PBRM1: variants seen among roughly 807,000 people sequenced by gnomAD.
PBRM1 encodes the protein polybromo 1, also known as protein polybromo-1.
Under a neutral mutation model 194.5 loss-of-function variants are expected in PBRM1, and 27 were observed. The observed-to-expected ratio is 0.14, with a 90% CI of 0.10 to 0.19. The LOEUF (loss-of-function observed/expected upper bound fraction) is 0.19. Among genes scored for constraint, PBRM1 ranks in the 10% least tolerant of loss-of-function variants. The probability of loss-of-function intolerance (pLI) is 1.00; values close to 1 mark genes in which losing one functional copy is unlikely to be tolerated. For missense variants in PBRM1, 1,466 were observed against 2,077.2 expected (o/e 0.71, Z 5.72); for synonymous variants, 655 against 693.2 (o/e 0.94, Z 0.87).
intron 22 of PBRM1, among the ~76,000 whole-genome samples, chr3:52,567,645 C>A (rs1163561650): frequency 4.0e-5 from 6 of 150,224 alleles, no homozygotes; most frequent in African/African-American, 1.5e-4. Context: ...CTTTAACTAG[C>A]ATTTCTCTAA....
rs2153790282 is a variant in PBRM1 at position 52,587,530 on chromosome 3, G to A, written c.2966-20C>T. On this transcript the variant is annotated intron_variant, in intron 18 of 29. Coordinates refer to ENST00000296302, the Ensembl canonical transcript of PBRM1. ...TTTCACCTCAAAAATGGGGGGTGGG[G>A]GAAGGGGAAGAGAAAGAGAATCATT... 1.3e-6 allele frequency: 2 copies of A among 1,557,594 alleles called. No individual in the cohort carries two copies. Among genetic ancestry groups the A allele is most frequent in the South Asian group, 1.2e-5 (1 of 84,384 alleles).
chr3:52,684,363 G>A (rs1303421375), upstream of PBRM1, among the ~76,000 whole-genome samples: 1 of 152,014 alleles, frequency 6.6e-6, no homozygotes, highest in African/African-American at 2.4e-5. Flanking sequence ...ATGTGCAACT[G>A]GGAGAATATC....
At chr3:52,646,317 C>T (rs796308022) in intron 7 of PBRM1, among the ~76,000 whole-genome samples, 16 of 152,260 alleles carry the variant, frequency 1.1e-4, no homozygotes, top group African/African-American at 3.8e-4. Flanking sequence ...TCTCCTTTGG[C>T]AAATTCCCAA....
intron 2 of PBRM1, among the ~76,000 whole-genome samples, chr3:52,672,824 T>C (rs1348009024): frequency 6.6e-6 from 1 of 151,230 alleles, no homozygotes; most frequent in Non-Finnish European, 1.5e-5. Context: ...GAATAGTGAT[T>C]ATATTTTGAC....
exon 29 of PBRM1, chr3:52,550,478 T>C (rs2080681020): frequency 3.8e-6 from 6 of 1,576,886 alleles, no homozygotes; most frequent in South Asian, 1.2e-5. Context: ...AGTCCTTCAA[T>C]GTATTTCAGG....
chr3:52,594,330 C>T (rs936928363), intron 17 of PBRM1, among the ~76,000 whole-genome samples: 26 of 152,114 alleles, frequency 1.7e-4, no homozygotes, highest in African/African-American at 6.0e-4. Flanking sequence ...TTATGTAGTG[C>T]CCTTCTTTGT....
rs1295430697 is a variant in PBRM1, at chr3:52,563,275, A to ACCTTC, written c.4086+3_4086+7dup. 1 of 1,605,154 alleles carries ACCTTC rather than the reference A, an allele frequency of 6.2e-7. No homozygotes were observed. The highest frequency in any genetic ancestry group is 1.3e-5 in the African/African-American group (1 of 74,612). Reference sequence around the variant, plus strand: ...ATAAGATAAGTAACAGGAACCTGTCACCTTCACCTGTGGGGGTGTGTAGGG... The same window carrying ACCTTC: ...ATAAGATAAGTAACAGGAACCTGTCACCTTCCCTTCACCTGTGGGGGTGTGTAGGG... On this transcript the variant is annotated splice_region_variant and intron_variant, in intron 24 of 29. Transcript: ENST00000296302.
chr3:52,627,188 G>C, intron 13 of PBRM1, 85 bp downstream of exon 14: 1 of 715,690 alleles, frequency 1.4e-6, no homozygotes, highest in East Asian at 2.7e-5. Context: ...CAACTTGATA[G>C]CTTAAAAAAT....
intron 13 of PBRM1, among the ~76,000 whole-genome samples, chr3:52,623,997 G>A (rs1381599425): frequency 1.3e-5 from 2 of 152,116 alleles, no homozygotes; most frequent in East Asian, 3.9e-4. Flanking sequence ...TGATAACATA[G>A]CAATTTTACT....
intron 10 of PBRM1, among the ~76,000 whole-genome samples, chr3:52,637,630 C>CT (rs777952019): frequency 2.7e-5 from 4 of 150,288 alleles, no homozygotes; most frequent in African/African-American, 4.9e-5. Context: ...AAAACCCAGT[C>CT]TCAAGAAAAA....
intron 7 of PBRM1, among the ~76,000 whole-genome samples, chr3:52,645,929 G>A (rs992804522): frequency 2.0e-5 from 3 of 152,184 alleles, no homozygotes; most frequent in Admixed American, 2.0e-4. Context: ...AGGGACTACG[G>A]ACAACTAACT....
upstream of PBRM1, among the ~76,000 whole-genome samples, chr3:52,682,472 A>G (rs1255250613): frequency 6.6e-6 from 1 of 152,150 alleles, no homozygotes; most frequent in African/African-American, 2.4e-5. Context: ...ATACATTATC[A>G]GCATGTGTAT....
intron 10 of PBRM1, among the ~76,000 whole-genome samples, chr3:52,637,234 A>G (rs2095857132): frequency 6.6e-6 from 1 of 152,094 alleles, no homozygotes; most frequent in Non-Finnish European, 1.5e-5. Flanking sequence ...CTTACACCTT[A>G]TTGTTGTCAC....
exon 9 of PBRM1, chr3:52,643,272 C>A (rs1360187985): frequency 6.2e-7 from 1 of 1,613,492 alleles, no homozygotes; most frequent in Non-Finnish European, 8.5e-7. Flanking sequence ...AGTGGGATTT[C>A]TCTCTTCACC....
At chr3:52,637,773 C>CAAAAAAAAAAAAA (rs755241328) in intron 10 of PBRM1, among the ~76,000 whole-genome samples, 1,035 of 42,150 alleles carry the variant, frequency 0.025, 87 homozygotes, top group African/African-American at 0.048. Flanking sequence ...ACTAAAAATA[C>CAAAAAAAAAAAAA]AAAAAAAAAA....
At chr3:52,551,161 G>C (rs1039709903) in intron 27 of PBRM1, among the ~76,000 whole-genome samples, 11 of 152,188 alleles carry the variant, frequency 7.2e-5, no homozygotes, top group African/African-American at 2.7e-4. Flanking sequence ...ACATTCTCCT[G>C]CAACTGAAGC....
chr3:52,609,735 G>T lies in PBRM1; in HGVS notation c.2145C>A (p.Ala715=), dbSNP rs1356831462. 1 of 1,609,246 alleles carries T rather than the reference G, an allele frequency of 6.2e-7. No individual in the cohort carries two copies. Among genetic ancestry groups the T allele is most frequent in the South Asian group, 1.1e-5 (1 of 90,290 alleles). ...TAGAGTCAATATCTTGGTACTTGTT[G>T]GCCATCATGTGACTTCGAATTTTTT... The change falls in exon 16 of 30, where the codon GCC becomes GCA. Residue 715 remains alanine (A), a synonymous_variant. Coordinates refer to ENST00000296302, the Ensembl canonical transcript of PBRM1. This position sits in a 1 kb window ranked among gnomAD's most constrained non-coding sequence, Gnocchi z 4.1.
chr3:52,619,868 A>G (rs961280361), intron 13 of PBRM1, among the ~76,000 whole-genome samples: 1 of 152,228 alleles, frequency 6.6e-6, no homozygotes, highest in Non-Finnish European at 1.5e-5. Flanking sequence ...AAGTGATTTA[A>G]TTAGGAAAAA....
intron 20 of PBRM1, among the ~76,000 whole-genome samples, chr3:52,579,804 G>A (rs1410834825): frequency 6.6e-6 from 1 of 152,016 alleles, no homozygotes; most frequent in African/African-American, 2.4e-5. Context: ...ACTGCCTTTA[G>A]AAACAAACAA....
Sources: gnomAD v4.1 joint callset for allele counts (sites outside exome capture counted in the v4.1 genomes callset) on GRCh38, gnomAD v4.1.1 for gene constraint, Gnocchi (gnomAD v3.1) non-coding constraint, MANE v1.5 for transcripts, NCBI Gene and HGNC (gene_info 2026-07-23, HGNC 2026-07-21) for gene names.